The following MCTP2 variants were observed in gnomAD, a reference collection of about 807,000 sequenced individuals.
The protein encoded by MCTP2 is multiple C2 and transmembrane domain containing 2, also known as multiple C2 and transmembrane domain-containing protein 2.
MCTP2 carries 132 observed loss-of-function variants against 111.6 expected under a neutral mutation model. The ratio of observed to expected loss-of-function variants is 1.18; its 90% CI spans 1.03 to 1.37. The LOEUF (loss-of-function observed/expected upper bound fraction) is 1.37. Among genes scored for constraint, MCTP2 ranks in the 40% most tolerant of loss-of-function variants. The pLI is 0.00. For missense variants in MCTP2, 1,183 were observed against 1,067.9 expected (o/e 1.11, Z -1.50); for synonymous variants, 395 against 387.7 (o/e 1.02, Z -0.22).
At chr15:94,269,429 G>A (rs532667697) in intron 1 of MCTP2, among the ~76,000 whole-genome samples, 16 of 152,306 alleles carry the variant, frequency 1.1e-4, no homozygotes, top group Non-Finnish European at 1.8e-4. Context: ...GTTTTAGACA[G>A]ATAATAGAGT....
In MCTP2 at chr15:94,440,210, A is replaced by G. The variant is rs770399605; in HGVS notation, c.2120A>G (p.Tyr707Cys). The G allele has an allele frequency of 3.1e-6, 5 of 1,614,056 alleles. No individual in the cohort carries two copies. The highest frequency in any genetic ancestry group is 3.3e-5 in the Admixed American group (2 of 60,020). ...ATCACTGTCTGGAATTTTGAACTAT[A>G]TATGATCCCCTTGGCATTGTTGCTG... ...FLITVWNFEL[Y>C]MIPLALLLIF... The change falls in exon 18 of 23, where the codon TAT (tyrosine) becomes TGT (cysteine). Residue 707 changes from tyrosine (Y) to cysteine (C), a missense_variant. Transcript: ENST00000357742.
chr15:94,302,936 C>A (rs1413305038), intron 2 of MCTP2, among the ~76,000 whole-genome samples: 1 of 151,552 alleles, frequency 6.6e-6, no homozygotes, highest in Non-Finnish European at 1.5e-5. Context: ...GGGGAGGCCT[C>A]ACAATCATGG....
chr15:94,291,079 C>A lies in MCTP2; in HGVS notation c.-65-7122C>A, dbSNP rs565878610. 7.2e-5 allele frequency among the ~76,000 whole-genome samples: 11 copies of A among 152,298 alleles called. No individual in the cohort carries two copies. The East Asian group carries it at 2.1e-3, about 29-fold the overall frequency. ...ACTCAACCATAGTAGCATATACAGT[C>A]TTTTCAAATGCATATGGGACATTTA... On this transcript the variant is annotated intron_variant, in intron 1 of 22. Coordinates refer to ENST00000357742, the MANE Select transcript of MCTP2 (RefSeq NM_001385001.1).
intron 17 of MCTP2, among the ~76,000 whole-genome samples, chr15:94,436,117 CT>C (rs2083463915): frequency 1.3e-5 from 2 of 152,158 alleles, no homozygotes; most frequent in Non-Finnish European, 2.9e-5. Flanking sequence ...TGCTTACACT[CT>C]CCTTTCAGCG....
At position 94,356,264 on chromosome 15, in the gene MCTP2, T is replaced by C; in HGVS notation, c.1133T>C (p.Val378Ala). 2 of 1,612,078 alleles carry C rather than the reference T, an allele frequency of 1.2e-6. No homozygotes were observed. Among genetic ancestry groups the C allele is most frequent in the Admixed American group, 3.3e-5 (2 of 59,832 alleles). ...GGAGGAAGCATGACAGAGATGTTTG[T>C]CCAGTTAAAACTGGGAGATCAGAGG... ...VSGGSMTEMF[V>A]QLKLGDQRYK... Residue 378 changes from valine (V) to alanine (A), a missense_variant, in exon 9 of 23, where the codon GTC becomes GCC. Coordinates refer to ENST00000357742, the MANE Select transcript of MCTP2 (RefSeq NM_001385001.1).
intron 19 of MCTP2, among the ~76,000 whole-genome samples, chr15:94,445,821 A>G (rs1009247200): frequency 2.0e-5 from 3 of 152,252 alleles, no homozygotes; most frequent in African/African-American, 7.2e-5. Flanking sequence ...GTTCAAAACC[A>G]GAAGAGGAGA....
intron 1 of MCTP2, among the ~76,000 whole-genome samples, chr15:94,259,604 A>G (rs1401560721): frequency 1.3e-5 from 2 of 152,208 alleles, no homozygotes; most frequent in Non-Finnish European, 2.9e-5. Flanking sequence ...TACTGTCTCC[A>G]AACCATTTAG....
chr15:94,251,116 G>A (rs777037759), intron 1 of MCTP2, among the ~76,000 whole-genome samples: 1 of 152,192 alleles, frequency 6.6e-6, no homozygotes, highest in Non-Finnish European at 1.5e-5. Flanking sequence ...AAAGATCTGA[G>A]TGTGAGGCGA....
chr15:94,263,573 C>T (rs186586820), intron 1 of MCTP2, among the ~76,000 whole-genome samples: 1 of 152,320 alleles, frequency 6.6e-6, no homozygotes. Context: ...ACATCACAGC[C>T]TTCTGTCCTT....
In MCTP2 at chr15:94,449,092, A is replaced by C. The variant is rs186725306; in HGVS notation, c.2250+6132A>C. Among the ~76,000 whole-genome samples, 661 of 152,288 alleles carry C rather than the reference A, an allele frequency of 4.3e-3. 7 individuals are homozygous for C. Among genetic ancestry groups the C allele is most frequent in the Non-Finnish European group, 4.8e-3 (324 of 68,010 alleles). On this transcript the variant is annotated intron_variant, in intron 19 of 22. Transcript: ENST00000357742. The stretch of plus-strand genomic sequence containing the variant: ...TTTACTGTGACTCACCCAATTATCC[A>C]ATGAGTTTATGAGATAATTGATAGA...
chr15:94,381,590 T>A (rs1166108441), intron 12 of MCTP2, among the ~76,000 whole-genome samples: 1 of 152,186 alleles, frequency 6.6e-6, no homozygotes, highest in Non-Finnish European at 1.5e-5. Flanking sequence ...TCATTAAAAG[T>A]GTCAGACGGT....
At chr15:94,255,300 T>C (rs2072693925) in intron 1 of MCTP2, among the ~76,000 whole-genome samples, 1 of 152,162 alleles carries the variant, frequency 6.6e-6, no homozygotes, top group African/African-American at 2.4e-5. Flanking sequence ...AGAGTTTAGA[T>C]TGATTATAGA....
chr15:94,276,038 AT>A (rs1304676523), intron 1 of MCTP2, among the ~76,000 whole-genome samples: 6 of 151,440 alleles, frequency 4.0e-5, no homozygotes, highest in African/African-American at 1.5e-4. Flanking sequence ...TAGAGATGGG[AT>A]TTCACCGTGT....
At chr15:94,412,812 ATT>A (rs1277366675) in intron 17 of MCTP2, among the ~76,000 whole-genome samples, 2 of 151,706 alleles carry the variant, frequency 1.3e-5, no homozygotes, top group Non-Finnish European at 2.9e-5. Context: ...GAGACCCTCA[ATT>A]TTTTTTGCAA....
intron 4 of MCTP2, among the ~76,000 whole-genome samples, chr15:94,318,619 G>GT (rs2076491035): frequency 6.6e-6 from 1 of 152,166 alleles, no homozygotes; most frequent in Admixed American, 6.5e-5. Context: ...GACCTCTTCT[G>GT]TTGGCCAACT....
intron 19 of MCTP2, among the ~76,000 whole-genome samples, chr15:94,454,475 T>A (rs1014032557): frequency 3.9e-5 from 6 of 152,168 alleles, no homozygotes; most frequent in African/African-American, 1.4e-4. Flanking sequence ...CCATCACATA[T>A]AAAAATAAAC....
intron 17 of MCTP2, among the ~76,000 whole-genome samples, chr15:94,413,144 G>T (rs1440430363): frequency 5.9e-5 from 9 of 152,184 alleles, no homozygotes. Context: ...AGATAGTCCT[G>T]CAGGTGGCGA....
At chr15:94,353,529 A>G (rs1372898868) in intron 8 of MCTP2, among the ~76,000 whole-genome samples, 1 of 152,180 alleles carries the variant, frequency 6.6e-6, no homozygotes, top group Non-Finnish European at 1.5e-5. Context: ...TTTAGGGCAT[A>G]TTTCATGGAA....
chr15:94,453,446 C>A (rs894767003), intron 19 of MCTP2, among the ~76,000 whole-genome samples: 2 of 152,204 alleles, frequency 1.3e-5, no homozygotes. Context: ...GCCCATTAAG[C>A]TGTGGCCACT....
Sources: gnomAD v4.1 joint callset for allele counts (sites outside exome capture counted in the v4.1 genomes callset) on GRCh38, gnomAD v4.1.1 for gene constraint, MANE v1.5 for transcripts, NCBI Gene and HGNC (gene_info 2026-07-23, HGNC 2026-07-21) for gene names.